AQP6: variants seen among roughly 807,000 people sequenced by gnomAD.
The protein encoded by AQP6 is aquaporin-6.
In AQP6, 14 loss-of-function variants were observed where a neutral mutation model predicts 16.3. That is an observed-to-expected ratio of 0.86 (90% CI 0.57 to 1.34). The LOEUF (loss-of-function observed/expected upper bound fraction) is 1.34. Ranked by LOEUF, AQP6 falls within the 40% of genes most tolerant of loss-of-function variation. The pLI is 0.00. For missense variants in AQP6, 331 were observed against 379.7 expected (o/e 0.87, Z 1.07); for synonymous variants, 178 against 166.8 (o/e 1.07, Z -0.52).
Position 49,975,448 on chromosome 12 carries a change from G to A in AQP6, c.643-17G>A, listed in dbSNP as rs754582452. 14 of 1,576,160 alleles carry A rather than the reference G, an allele frequency of 8.9e-6. No homozygotes were observed. The highest frequency in any genetic ancestry group is 4.7e-5 in the South Asian group (4 of 84,612). The stretch of plus-strand genomic sequence containing the variant: ...CCTGATAGCTCCTGGGTGGGGTGAC[G>A]ACATCCTTCTCCTCAGGTCTTCTGG... On this transcript the variant is annotated splice_polypyrimidine_tract_variant and intron_variant, in intron 3 of 3. Coordinates refer to ENST00000315520, the MANE Select transcript of AQP6 (RefSeq NM_001652.4). This position sits in a 1 kb window ranked among gnomAD's most constrained non-coding sequence, Gnocchi z 4.4.
rs1176271805 is a variant in AQP6, at chr12:49,976,609, C to T, written c.*938C>T. 1 of 218,634 alleles carries T rather than the reference C, an allele frequency of 4.6e-6. No homozygotes were observed. The highest frequency in any genetic ancestry group is 9.0e-6 in the Non-Finnish European group (1 of 111,198). 13.5% of individuals were successfully genotyped at this position (218,634 alleles called of 1,614,324 possible). The stretch of plus-strand genomic sequence containing the variant: ...CCCCCACCCTTGAGAAGAACTGACA[C>T]AGAGAAGAACATTTTCTCAGGCTCG... On this transcript the variant is annotated 3_prime_UTR_variant, in exon 4 of 4. Transcript: ENST00000315520.
chr12:49,974,566 G>C, intron 2 of AQP6, 84 bp downstream of exon 2: 1 of 1,488,328 alleles, frequency 6.7e-7, no homozygotes, highest in Non-Finnish European at 9.1e-7. Context: ...GCCAGGCAGT[G>C]TCCCTCCCTG....
Position 49,974,749 on chromosome 12 carries a change from C to G in AQP6, c.565C>G (p.His189Asp). Residue 189 changes from histidine to aspartate, a missense_variant, in exon 3 of 4, where the codon CAC becomes GAC. Transcript: ENST00000315520. ...SVALGHLIGI[H>D]FTGCSMNPAR... is the part of the protein sequence containing the mutation. ...TGACCCTGCACTTGCTCCCCAGATC[C>G]ACTTCACTGGCTGCTCCATGAATCC... is the stretch of plus-strand genomic sequence containing the variant. The G allele has an allele frequency of 6.2e-7, 1 of 1,614,208 alleles. No individual in the cohort carries two copies.
rs1353288671 is a variant in AQP6, at chr12:49,973,918, G to T, written c.402+343G>T. 5.0e-6 allele frequency: 6 copies of T among 1,191,534 alleles called. No homozygotes were observed. In the African/African-American group the frequency reaches 7.7e-5, roughly 15 times the overall value. 73.8% of individuals were successfully genotyped at this position (1,191,534 alleles called of 1,614,324 possible). ...CACGGGGACTTCATTTTTCTCCCAGGCTCCACCCACGTCCTCTGCTCTCCG... is the reference window on the plus strand; with the variant it reads ...CACGGGGACTTCATTTTTCTCCCAGTCTCCACCCACGTCCTCTGCTCTCCG... On this transcript the variant is annotated intron_variant, in intron 1 of 3. Coordinates refer to ENST00000315520, the MANE Select transcript of AQP6 (RefSeq NM_001652.4).
intron 1 of AQP6, among the ~76,000 whole-genome samples, 185 bp downstream of exon 1, chr12:49,973,760 G>T (rs553476012): frequency 1.7e-4 from 26 of 152,348 alleles, no homozygotes; most frequent in Admixed American, 9.1e-4. Flanking sequence ...AGGCAGAATA[G>T]AAATGGGATA....
chr12:49,976,998 T>C lies in AQP6; in HGVS notation c.*1327T>C. The C allele has an allele frequency of 1.4e-6, 1 of 702,320 alleles. No individual in the cohort carries two copies. Among genetic ancestry groups the C allele is most frequent in the Non-Finnish European group, 2.6e-6 (1 of 384,826 alleles). The allele number at this position is 702,320 out of a possible 1,614,324, so 43.5% of individuals were successfully genotyped here. On this transcript the variant is annotated 3_prime_UTR_variant, in exon 4 of 4. Transcript: ENST00000315520. Reference sequence around the variant, plus strand: ...ATTTATTCTGCCCACAACTTGGGGGTCCTTTCTGGATCTCGGCTTCTCCAG... The same window carrying C: ...ATTTATTCTGCCCACAACTTGGGGGCCCTTTCTGGATCTCGGCTTCTCCAG...
rs943787553 is a variant in AQP6 at position 49,973,644 on chromosome 12, C to T, written c.402+69C>T. On this transcript the variant is annotated intron_variant, in intron 1 of 3. Transcript: ENST00000315520. ...GCGCACAAGTGGTGAAGGTGGAGGC[C>T]AGGACGGAGGCGAGGGAGCAAAGGA... is the stretch of plus-strand genomic sequence containing the variant. 5 of 1,490,304 alleles carry T rather than the reference C, an allele frequency of 3.4e-6. No individual in the cohort carries two copies. In the African/African-American group the frequency reaches 4.2e-5, roughly 12 times the overall value. The allele number at this position is 1,490,304 out of a possible 1,614,324, so 92.3% of individuals were successfully genotyped here. A position where few individuals can be genotyped will look rare whatever the true frequency, so the allele number is the denominator to read the frequency against.
Position 49,975,465 on chromosome 12 carries a change from G to T in AQP6, c.643G>T (p.Val215Phe), listed in dbSNP as rs949800801. The T allele has an allele frequency of 1.3e-6, 2 of 1,594,638 alleles. No individual in the cohort carries two copies. Among genetic ancestry groups the T allele is most frequent in the African/African-American group, 1.4e-5 (1 of 73,786 alleles). Residue 215 changes from valine (V) to phenylalanine (F), a missense_variant and splice_region_variant, in exon 4 of 4, where the codon GTC becomes TTC. Coordinates refer to ENST00000315520, the MANE Select transcript of AQP6 (RefSeq NM_001652.4). The surrounding 1 kb of genome is among the most constrained non-coding windows in gnomAD (Gnocchi z 4.4). ...IIIGKFTVHW[V>F]FWVGPLMGAL... Reference sequence around the variant, plus strand: ...GGGGTGACGACATCCTTCTCCTCAGGTCTTCTGGGTGGGGCCCCTGATGGG... The same window carrying T: ...GGGGTGACGACATCCTTCTCCTCAGTTCTTCTGGGTGGGGCCCCTGATGGG...
In AQP6 at chr12:49,975,053, C is replaced by A; in HGVS notation, c.642+227C>A. 7.3e-7 allele frequency: 1 copy of A among 1,364,714 alleles called. No individual in the cohort carries two copies. Among genetic ancestry groups the A allele is most frequent in the South Asian group, 1.9e-5 (1 of 53,580 alleles). 84.5% of individuals were successfully genotyped at this position (1,364,714 alleles called of 1,614,324 possible). A position where few individuals can be genotyped will look rare whatever the true frequency, so the allele number is the denominator to read the frequency against. ...CCAGACTTTTAAGTCCTGGCTGTTT[C>A]CTTATTCACTTTCTCCAGCTGGACC... On this transcript the variant is annotated intron_variant, in intron 3 of 3. Transcript: ENST00000315520. This position sits in a 1 kb window ranked among gnomAD's most constrained non-coding sequence, Gnocchi z 4.4.
At position 49,976,388 on chromosome 12, in the gene AQP6, C is replaced by T. The variant is rs1479056896; in HGVS notation, c.*717C>T. On this transcript the variant is annotated 3_prime_UTR_variant, in exon 4 of 4. Transcript: ENST00000315520. ...TAGCTGGGATTACAGGCGCCTGCCA[C>T]CACGCCCAGCTAATTTTTTGTATTT... The T allele has an allele frequency of 1.3e-5, 2 of 152,418 alleles. No individual in the cohort carries two copies. The highest frequency in any genetic ancestry group is 2.9e-5 in the Non-Finnish European group (2 of 68,288). 9.4% of individuals were successfully genotyped at this position (152,418 alleles called of 1,614,324 possible).
In AQP6 at chr12:49,975,751, G is replaced by T. The variant is rs1363464478; in HGVS notation, c.*80G>T. On this transcript the variant is annotated 3_prime_UTR_variant, in exon 4 of 4. Transcript: ENST00000315520. This position sits in a 1 kb window ranked among gnomAD's most constrained non-coding sequence, Gnocchi z 4.4. The stretch of plus-strand genomic sequence containing the variant: ...GAGGTTCTCCCTGGGGGTGGCGGGA[G>T]GGGGAGGCTTGACCTTTTGTCCTGA... 1 of 1,440,724 alleles carries T rather than the reference G, an allele frequency of 6.9e-7. No individual in the cohort carries two copies. Among genetic ancestry groups the T allele is most frequent in the Non-Finnish European group, 9.1e-7 (1 of 1,095,964 alleles). The allele number at this position is 1,440,724 out of a possible 1,614,324, so 89.2% of individuals were successfully genotyped here.
Position 49,976,935 on chromosome 12 carries a change from A to G in AQP6, c.*1264A>G, listed in dbSNP as rs1380917685. ...GATTCAGTGCCTCTGAAAGACTACCAAAATCTAAGTTGGTTTAATAGTTAA... is the reference window on the plus strand; with the variant it reads ...GATTCAGTGCCTCTGAAAGACTACCGAAATCTAAGTTGGTTTAATAGTTAA... On this transcript the variant is annotated 3_prime_UTR_variant, in exon 4 of 4. Transcript: ENST00000315520. 1 of 700,540 alleles carries G rather than the reference A, an allele frequency of 1.4e-6. No homozygotes were observed. Among genetic ancestry groups the G allele is most frequent in the East Asian group, 2.7e-5 (1 of 37,276 alleles). The allele number at this position is 700,540 out of a possible 1,614,324, so 43.4% of individuals were successfully genotyped here.
intron 2 of AQP6, 125 bp from the exon 3 acceptor site, chr12:49,974,621 G>T: frequency 7.0e-7 from 1 of 1,429,444 alleles, no homozygotes. Context: ...CTGCACTCTA[G>T]GCCCAGGATA....
Position 49,974,839 on chromosome 12 carries a change from G to A in AQP6, c.642+13G>A, listed in dbSNP as rs151323074. On this transcript the variant is annotated intron_variant, in intron 3 of 3. Transcript: ENST00000315520. ...CACAGTCCACTGGGTGAGCCCCTCT[G>A]CTGGCAGCCCTGGGGAGGGAAGGGA... 4.0e-4 allele frequency: 650 copies of A among 1,614,014 alleles called. 2 individuals are homozygous for A. The African/African-American group carries it at 7.5e-3, about 19-fold the overall frequency.
rs1947570728 is a variant in AQP6 at position 49,976,026 on chromosome 12, C to T, written c.*355C>T. The T allele has an allele frequency of 5.4e-6, 1 of 184,406 alleles. No homozygotes were observed. The highest frequency in any genetic ancestry group is 5.9e-5 in the Admixed American group (1 of 16,892). The allele number at this position is 184,406 out of a possible 1,614,324, so 11.4% of individuals were successfully genotyped here. On this transcript the variant is annotated 3_prime_UTR_variant, in exon 4 of 4. Transcript: ENST00000315520. Reference sequence around the variant, plus strand: ...AGCCCAGACAGCCACTCTGCTTAGACATGGGAGCTATAGGGACCTCAGGGA... The same window carrying T: ...AGCCCAGACAGCCACTCTGCTTAGATATGGGAGCTATAGGGACCTCAGGGA...
In AQP6 at chr12:49,973,061, G is replaced by A; in HGVS notation, c.-113G>A. ...GGGGCCAGAGAAGCCTCCACAGAGA[G>A]CAAAAGCCAGGGTCAGCCAGAGACA... On this transcript the variant is annotated 5_prime_UTR_variant, in exon 1 of 4. Coordinates refer to ENST00000315520, the MANE Select transcript of AQP6 (RefSeq NM_001652.4). 1.4e-6 allele frequency: 2 copies of A among 1,412,980 alleles called. No individual in the cohort carries two copies. The allele number at this position is 1,412,980 out of a possible 1,614,324, so 87.5% of individuals were successfully genotyped here.
At chr12:49,974,722 C>G in intron 2 of AQP6, 24 bp from the exon 3 acceptor site, 9 of 1,613,380 alleles carry the variant, frequency 5.6e-6, no homozygotes, top group Non-Finnish European at 7.6e-6. Context: ...CTTCTCCCAC[C>G]CTGACCCTGC....
At position 49,975,561 on chromosome 12, in the gene AQP6, G is replaced by A. The variant is rs149339956; in HGVS notation, c.739G>A (p.Ala247Thr). 6.2e-7 allele frequency: 1 copy of A among 1,613,694 alleles called. No individual in the cohort carries two copies. The highest frequency in any genetic ancestry group is 1.1e-5 in the South Asian group (1 of 91,066). The change falls in exon 4 of 4, where the codon GCT becomes ACT. Residue 247 changes from alanine (A) to threonine (T), a missense_variant. Ala to Thr is a moderately conservative substitution (Grantham distance 58). Coordinates refer to ENST00000315520, the MANE Select transcript of AQP6 (RefSeq NM_001652.4). This position sits in a 1 kb window ranked among gnomAD's most constrained non-coding sequence, Gnocchi z 4.4. ...PDTKTLAQRL[A>T]ILTGTVEVGT... Reference sequence around the variant, plus strand: ...CACCAAGACCCTGGCGCAGCGGCTGGCTATCCTCACAGGCACCGTAGAGGT... The same window carrying A: ...CACCAAGACCCTGGCGCAGCGGCTGACTATCCTCACAGGCACCGTAGAGGT...
rs147082610 is a variant in AQP6 at position 49,975,440 on chromosome 12, G to A, written c.643-25G>A. 7.3e-5 allele frequency: 114 copies of A among 1,569,328 alleles called. No individual in the cohort carries two copies. In the African/African-American group the frequency reaches 1.5e-3, roughly 20 times the overall value. ...CCTGTGGTCCTGATAGCTCCTGGGT[G>A]GGGTGACGACATCCTTCTCCTCAGG... is the stretch of plus-strand genomic sequence containing the variant. On this transcript the variant is annotated intron_variant, in intron 3 of 3. Transcript: ENST00000315520. The surrounding 1 kb of genome is among the most constrained non-coding windows in gnomAD (Gnocchi z 4.4).
Sources: gnomAD v4.1 joint callset for allele counts (sites outside exome capture counted in the v4.1 genomes callset) on GRCh38, gnomAD v4.1.1 for gene constraint, Gnocchi (gnomAD v3.1) non-coding constraint, MANE v1.5 for transcripts, NCBI Gene and HGNC (gene_info 2026-07-23, HGNC 2026-07-21) for gene names.